The following TOP2A variants were observed in gnomAD, a reference collection of about 807,000 sequenced individuals.
The protein encoded by TOP2A is DNA topoisomerase 2-alpha.
In TOP2A, 68 loss-of-function variants were observed where a neutral mutation model predicts 187.2. The ratio of observed to expected loss-of-function variants is 0.36; its 90% confidence interval spans 0.30 to 0.44. TOP2A has a LOEUF of 0.44. TOP2A is among the 20% of genes least tolerant of loss of function. TOP2A has a pLI of 1.00. For missense variants in TOP2A, 1,196 were observed against 1,808.7 expected (o/e 0.66, Z 6.14); for synonymous variants, 542 against 593.2 (o/e 0.91, Z 1.25).
chr17:40,391,523 T>C lies in TOP2A; in HGVS notation c.4250A>G (p.Lys1417Arg). The C allele has an allele frequency of 6.2e-7, 1 of 1,611,938 alleles. No homozygotes were observed. The highest frequency in any genetic ancestry group is 8.5e-7 in the Non-Finnish European group (1 of 1,179,280). The change falls in exon 33 of 35, where the codon AAG becomes AGG. Residue 1417 changes from lysine (K) to arginine (R), a missense_variant. Around this residue, in one of 10 missense-constraint regions of TOP2A, gnomAD observed 374 missense variants for 403.3 expected, o/e 0.93. Coordinates refer to ENST00000423485, the MANE Select transcript of TOP2A (RefSeq NM_001067.4). Reference sequence around the variant, plus strand: ...AGGCTTACTTTTTGCTGCTGTCTTCTTCACTGTCACATTCTTTTTAGGAAC... The same window carrying C: ...AGGCTTACTTTTTGCTGCTGTCTTCCTCACTGTCACATTCTTTTTAGGAAC... Reference protein sequence around the residue: ...NPVPKKNVTVKKTAAKSQSST... With the variant: ...NPVPKKNVTVRKTAAKSQSST...
In TOP2A at chr17:40,408,498, C is replaced by A; in HGVS notation, c.1336G>T (p.Asp446Tyr). The part of the protein sequence containing the change: ...KGIPKLDDAN[D>Y]AGGRNSTECT... ...AACATTATTAAATATATACCTGCAT[C>A]ATTGGCATCATCGAGTTTGGGAATT... The change falls in exon 11 of 35, where the codon GAT (aspartate) becomes TAT (tyrosine). Residue 446 changes from aspartate to tyrosine, a missense_variant. This residue lies in a region of TOP2A where 252 missense variants were observed against 434.8 expected (regional missense o/e 0.58). Coordinates refer to ENST00000423485, the MANE Select transcript of TOP2A (RefSeq NM_001067.4). The A allele has an allele frequency of 1.2e-6, 2 of 1,612,538 alleles. No homozygotes were observed. The highest frequency in any genetic ancestry group is 1.7e-6 in the Non-Finnish European group (2 of 1,179,434).
chr17:40,405,688 C>T (rs770167562), intron 16 of TOP2A, among the ~76,000 whole-genome samples: 1 of 151,892 alleles, frequency 6.6e-6, no homozygotes, highest in Non-Finnish European at 1.5e-5. Context: ...CCAGGATGGT[C>T]TCCATCTCAT....
At chr17:40,400,714 G>A (rs1258246592) in intron 21 of TOP2A, 51 bp from the exon 22 acceptor site, 14 of 1,554,294 alleles carry the variant, frequency 9.0e-6, no homozygotes, top group Admixed American at 2.0e-5. Flanking sequence ...GATACTAGAC[G>A]GAAATCACAA....
At chr17:40,406,061 C>T (rs1235452898) in intron 16 of TOP2A, among the ~76,000 whole-genome samples, 3 of 152,100 alleles carry the variant, frequency 2.0e-5, no homozygotes, top group African/African-American at 7.2e-5. Flanking sequence ...CCACTACGCT[C>T]GGCCAATTTT....
chr17:40,396,492 T>C, intron 27 of TOP2A, 27 bp from the exon 28 acceptor site: 1 of 1,590,096 alleles, frequency 6.3e-7, no homozygotes, highest in South Asian at 1.1e-5. Flanking sequence ...AGAAAGCAAG[T>C]TTAAATGTTA....
At chr17:40,415,568 A>C (rs1019403003) in intron 4 of TOP2A, among the ~76,000 whole-genome samples, 3 of 152,254 alleles carry the variant, frequency 2.0e-5, no homozygotes, top group Admixed American at 6.5e-5. Context: ...GAAAAAGTTA[A>C]AACTCCAGAT....
chr17:40,415,177 C>T (rs1220809290), intron 4 of TOP2A, among the ~76,000 whole-genome samples: 2 of 151,620 alleles, frequency 1.3e-5, no homozygotes, highest in Non-Finnish European at 2.9e-5. Context: ...GCCTCAGCCT[C>T]TCGAGTAGCT....
intron 29 of TOP2A, 114 bp from the exon 30 acceptor site, chr17:40,392,851 C>T (rs1179497996): frequency 1.0e-5 from 9 of 871,912 alleles, no homozygotes; most frequent in East Asian, 1.0e-4. Flanking sequence ...AGAATACAAT[C>T]GTGAAAAGAG....
intron 29 of TOP2A, among the ~76,000 whole-genome samples, chr17:40,394,967 T>C (rs2035071918): frequency 6.6e-6 from 1 of 152,152 alleles, no homozygotes; most frequent in Admixed American, 6.5e-5. Flanking sequence ...TTTTCTATAA[T>C]GAATCAAATC....
intron 33 of TOP2A, among the ~76,000 whole-genome samples, chr17:40,390,817 GT>G (rs1210288919): frequency 6.7e-6 from 1 of 149,230 alleles, no homozygotes; most frequent in African/African-American, 2.5e-5. Flanking sequence ...TAGAGATGAG[GT>G]TTCACTATGT....
At chr17:40,391,031 G>A (rs1259250215) in intron 33 of TOP2A, among the ~76,000 whole-genome samples, 1 of 152,036 alleles carries the variant, frequency 6.6e-6, no homozygotes, top group African/African-American at 2.4e-5. Context: ...GGTACTGAGA[G>A]AAACTCACTG....
intron 27 of TOP2A, among the ~76,000 whole-genome samples, chr17:40,397,613 G>A (rs551748979): frequency 2.5e-4 from 38 of 151,886 alleles, no homozygotes; most frequent in African/African-American, 8.9e-4. Context: ...TGACTTGGGG[G>A]ACTGGGTTGG....
chr17:40,399,403 C>T (rs1383702404), intron 24 of TOP2A: 2 of 404,564 alleles, frequency 4.9e-6, no homozygotes, highest in African/African-American at 4.1e-5. Context: ...TGCAGTGGCA[C>T]TACCTAGGCT....
intron 32 of TOP2A, chr17:40,391,860 C>A: frequency 1.3e-6 from 1 of 763,892 alleles, no homozygotes; most frequent in Non-Finnish European, 2.0e-6. Context: ...AAGTACCTGG[C>A]AAGCACTATG....
In TOP2A at chr17:40,416,520, TA is replaced by T; in HGVS notation, c.178-9del. The T allele has an allele frequency of 6.3e-7, 1 of 1,578,588 alleles. No individual in the cohort carries two copies. Among genetic ancestry groups the T allele is most frequent in the Non-Finnish European group, 8.7e-7 (1 of 1,154,074 alleles). ...ATCGTAAACCCACATTTGCTAGAAATAAGGCAAAGAAATACTGTTATTTTTA... is the reference window on the plus strand; with the variant it reads ...ATCGTAAACCCACATTTGCTAGAAATAGGCAAAGAAATACTGTTATTTTTA... On this transcript the variant is annotated splice_polypyrimidine_tract_variant and intron_variant, in intron 2 of 34. Coordinates refer to ENST00000423485, the MANE Select transcript of TOP2A (RefSeq NM_001067.4).
chr17:40,398,943 G>C lies in TOP2A; in HGVS notation c.3289-6C>G. The C allele has an allele frequency of 6.2e-7, 1 of 1,605,342 alleles. No individual in the cohort carries two copies. The highest frequency in any genetic ancestry group is 2.2e-5 in the East Asian group (1 of 44,810). ...TTTTCTTCTTCATCTGGAACCTAAA[G>C]GATTAATTAAAATCTAGCTTTATTA... On this transcript the variant is annotated splice_polypyrimidine_tract_variant and splice_region_variant and intron_variant, in intron 25 of 34. Coordinates refer to ENST00000423485, the MANE Select transcript of TOP2A (RefSeq NM_001067.4).
intron 25 of TOP2A, 36 bp downstream of exon 25, chr17:40,399,004 T>C: frequency 6.3e-7 from 1 of 1,594,348 alleles, no homozygotes; most frequent in Non-Finnish European, 8.6e-7. Flanking sequence ...CAATACATAG[T>C]CTTTAACAAT....
chr17:40,411,419 C>T lies in TOP2A; in HGVS notation c.1000G>A (p.Val334Met). The change falls in exon 9 of 35, where the codon GTG becomes ATG. Residue 334 changes from valine to methionine, a missense_variant. Physicochemically the swap from Val to Met is conservative, Grantham distance 21. Coordinates refer to ENST00000423485, the MANE Select transcript of TOP2A (RefSeq NM_001067.4). The surrounding 1 kb of genome is among the most constrained non-coding windows in gnomAD (Gnocchi z 4.4). ...TTCACAACATCAACAAGTTTAGTCACAATCTGATCAGCTACATAATCAACA... is the reference window on the plus strand; with the variant it reads ...TTCACAACATCAACAAGTTTAGTCATAATCTGATCAGCTACATAATCAACA... Reference protein sequence around the residue: ...RHVDYVADQIVTKLVDVVKKK... With the variant: ...RHVDYVADQIMTKLVDVVKKK... 2 of 1,613,844 alleles carry T rather than the reference C, an allele frequency of 1.2e-6. No individual in the cohort carries two copies. The highest frequency in any genetic ancestry group is 1.7e-6 in the Non-Finnish European group (2 of 1,179,832).
Position 40,407,689 on chromosome 17 carries a change from T to C in TOP2A, c.1501-15A>G, listed in dbSNP as rs144990070. 386 of 1,559,514 alleles carry C rather than the reference T, an allele frequency of 2.5e-4. No homozygotes were observed. The highest frequency in any genetic ancestry group is 1.9e-3 in the Middle Eastern group (11 of 5,836). ...TTTTCCATGATCTGAAATGGACATA[T>C]ACCAAAAAAAGCATCGTTTATAAAT... On this transcript the variant is annotated splice_polypyrimidine_tract_variant and intron_variant, in intron 12 of 34. Coordinates refer to ENST00000423485, the MANE Select transcript of TOP2A (RefSeq NM_001067.4).
Sources: allele counts gnomAD v4.1 joint callset (sites outside exome capture counted in the v4.1 genomes callset), GRCh38; gene constraint gnomAD v4.1.1; regional missense constraint gnomAD v4.1.1; non-coding constraint Gnocchi (gnomAD v3.1); transcripts MANE v1.5; gene names NCBI Gene and HGNC (gene_info 2026-07-23, HGNC 2026-07-21).